GMCL1: variants seen among roughly 807,000 people sequenced by gnomAD.
GMCL1 encodes the protein germ cell-less 1, spermatogenesis associated, also known as germ cell-less protein-like 1.
In GMCL1, 54 loss-of-function variants were observed where a neutral mutation model predicts 75.5. The ratio of observed to expected loss-of-function variants is 0.71; its 90% CI spans 0.57 to 0.90. The LOEUF (loss-of-function observed/expected upper bound fraction) is 0.90, where lower values mean the gene tolerates loss of function less well. Ranked by LOEUF, GMCL1 falls within the 40% of genes least tolerant of loss-of-function variation. The pLI, the probability that GMCL1 is intolerant of heterozygous loss-of-function variation, is 0.00. For synonymous variants in GMCL1, 210 were observed against 209.6 expected (o/e 1.00, Z -0.02); for missense variants, 537 against 622.7 (o/e 0.86, Z 1.47).
chr2:69,835,414 G>C (rs927045066), intron 1 of GMCL1, among the ~76,000 whole-genome samples: 3 of 151,832 alleles, frequency 2.0e-5, no homozygotes, highest in Non-Finnish European at 1.5e-5. Context: ...TATGTTTCCA[G>C]GGGTGGAGGG....
rs2104085889 is a variant in GMCL1 at position 69,879,500 on chromosome 2, T to G, written c.*496T>G. 1 of 152,574 alleles carries G rather than the reference T, an allele frequency of 6.6e-6. No homozygotes were observed. The highest frequency in any genetic ancestry group is 3.4e-3 in the Middle Eastern group (1 of 294). The allele number at this position is 152,574 out of a possible 1,614,324, so 9.5% of individuals were successfully genotyped here. ...TCAGTTGGTGTATTGAAAGCTTTCC[T>G]TTAACATTTTCACCTGCTCATTGTG... On this transcript the variant is annotated 3_prime_UTR_variant, in exon 14 of 14. Coordinates refer to ENST00000282570, the MANE Select transcript of GMCL1 (RefSeq NM_178439.5).
Position 69,829,704 on chromosome 2 carries a change from C to T in GMCL1, c.-189C>T. 1.6e-6 allele frequency: 1 copy of T among 635,248 alleles called. No homozygotes were observed. Among genetic ancestry groups the T allele is most frequent in the East Asian group, 3.0e-5 (1 of 32,860 alleles). 39.4% of individuals were successfully genotyped at this position (635,248 alleles called of 1,614,324 possible). A position where few individuals can be genotyped will look rare whatever the true frequency, so the allele number is the denominator to read the frequency against. On this transcript the variant is annotated 5_prime_UTR_variant, in exon 1 of 14. Coordinates refer to ENST00000282570, the MANE Select transcript of GMCL1 (RefSeq NM_178439.5). ...GGGGCGAGGTGCTGCGGTGCTAGAG[C>T]GCGGCGCGACCGGACGCTGCGGGCG...
At chr2:69,856,986 C>G (rs891530182) in intron 9 of GMCL1, among the ~76,000 whole-genome samples, 4 of 152,180 alleles carry the variant, frequency 2.6e-5, no homozygotes, top group African/African-American at 7.2e-5. Context: ...TATTTGACCT[C>G]TTTGCCAAAC....
At position 69,843,162 on chromosome 2, in the gene GMCL1, A is replaced by G. The variant is rs1194702158; in HGVS notation, c.593A>G (p.Gln198Arg). Residue 198 changes from glutamine (Q) to arginine (R), a missense_variant, in exon 5 of 14, where the codon CAG (glutamine) becomes CGG (arginine). By Grantham distance (43) the Gln-to-Arg change is conservative. Coordinates refer to ENST00000282570, the MANE Select transcript of GMCL1 (RefSeq NM_178439.5). Reference protein sequence around the residue: ...ACLLQLDGLIQQCGETMKETV... With the variant: ...ACLLQLDGLIRQCGETMKETV... Reference sequence around the variant, plus strand: ...TTATATTTACAGGACGGTTTAATACAGCAGTGTGGTGAGACAATGAAGGAA... The same window carrying G: ...TTATATTTACAGGACGGTTTAATACGGCAGTGTGGTGAGACAATGAAGGAA... 2 of 1,608,130 alleles carry G rather than the reference A, an allele frequency of 1.2e-6. No individual in the cohort carries two copies. Among genetic ancestry groups the G allele is most frequent in the South Asian group, 1.1e-5 (1 of 90,956 alleles).
In GMCL1 at chr2:69,878,911, AC is replaced by A; in HGVS notation, c.1456del (p.Gln486LysfsTer3). 6.2e-7 allele frequency: 1 copy of A among 1,600,676 alleles called. No homozygotes were observed. Among genetic ancestry groups the A allele is most frequent in the Non-Finnish European group, 8.6e-7 (1 of 1,168,030 alleles). On this transcript the variant is annotated frameshift_variant, in exon 14 of 14. Transcript: ENST00000282570. LOFTEE classifies it high-confidence loss of function. ...QILTLEKDQE[Q>X]VVMNLDSRLL... ...GAATCTACAAATCTGTCTTATAGGAACAAGTGGTGATGAACTTGGACAGCAG... is the reference window on the plus strand; with the variant it reads ...GAATCTACAAATCTGTCTTATAGGAAAAGTGGTGATGAACTTGGACAGCAG...
At chr2:69,877,937 G>GT (rs961875536) in intron 13 of GMCL1, among the ~76,000 whole-genome samples, 27 of 152,270 alleles carry the variant, frequency 1.8e-4, no homozygotes, top group Admixed American at 3.9e-4. Context: ...TAAATAAAGT[G>GT]TAACTAATGC....
At chr2:69,846,022 A>T (rs555570840) in intron 6 of GMCL1, among the ~76,000 whole-genome samples, 3 of 149,960 alleles carry the variant, frequency 2.0e-5, no homozygotes, top group Admixed American at 1.3e-4. Context: ...TAAATACATT[A>T]TGGAATAGAG....
At chr2:69,870,500 G>C (rs76823104) in intron 12 of GMCL1, among the ~76,000 whole-genome samples, 4,718 of 152,210 alleles carry the variant, frequency 0.031, 120 homozygotes, top group Non-Finnish European at 0.047. Flanking sequence ...AAAAGAAGCA[G>C]TAGATAAAAT....
intron 9 of GMCL1, among the ~76,000 whole-genome samples, chr2:69,858,217 G>C (rs1675536821): frequency 6.6e-6 from 1 of 152,136 alleles, no homozygotes; most frequent in Non-Finnish European, 1.5e-5. Context: ...GTCTTGCCAT[G>C]TTACCCAGGC....
chr2:69,857,910 G>T (rs942380073), intron 9 of GMCL1, among the ~76,000 whole-genome samples: 1 of 152,150 alleles, frequency 6.6e-6, no homozygotes, highest in Non-Finnish European at 1.5e-5. Flanking sequence ...GGCAAATTAG[G>T]AAGTATCTTT....
At chr2:69,854,754 G>A (rs1013190284) in intron 8 of GMCL1, 69 bp from the exon 9 acceptor site, 25 of 1,325,342 alleles carry the variant, frequency 1.9e-5, no homozygotes, top group African/African-American at 1.3e-4. Flanking sequence ...CGTATCCCCC[G>A]TCCACAAAAA....
At chr2:69,831,575 C>T (rs968160121) in intron 1 of GMCL1, among the ~76,000 whole-genome samples, 2 of 151,078 alleles carry the variant, frequency 1.3e-5, no homozygotes, top group African/African-American at 4.9e-5. Context: ...CTTTTTGAAG[C>T]GTCAGTGTAG....
intron 1 of GMCL1, among the ~76,000 whole-genome samples, chr2:69,833,077 A>G (rs371198442): frequency 9.2e-5 from 14 of 152,198 alleles, no homozygotes; most frequent in African/African-American, 3.4e-4. Flanking sequence ...GCTGGCAAGT[A>G]GGACACTGCC....
At chr2:69,872,918 A>G (rs552690762) in intron 13 of GMCL1, among the ~76,000 whole-genome samples, 2 of 152,310 alleles carry the variant, frequency 1.3e-5, no homozygotes, top group African/African-American at 4.8e-5. Context: ...TTGTATTCCC[A>G]TGTTCCTTCA....
chr2:69,872,157 A>G (rs1675999930), intron 13 of GMCL1, among the ~76,000 whole-genome samples: 2 of 152,214 alleles, frequency 1.3e-5, no homozygotes, highest in Non-Finnish European at 2.9e-5. Flanking sequence ...TGCTTTATCC[A>G]TTGTGTACAT....
intron 13 of GMCL1, among the ~76,000 whole-genome samples, chr2:69,874,591 G>T (rs1363047405): frequency 1.3e-5 from 2 of 151,476 alleles, no homozygotes; most frequent in Non-Finnish European, 2.9e-5. Context: ...GTATTGTTGG[G>T]TTTTTTTATG....
chr2:69,859,356 T>C (rs966919659), intron 9 of GMCL1, among the ~76,000 whole-genome samples: 4 of 151,336 alleles, frequency 2.6e-5, no homozygotes, highest in African/African-American at 4.8e-5. Context: ...TTTAAATATA[T>C]GTGTGTATGT....
intron 10 of GMCL1, among the ~76,000 whole-genome samples, 173 bp downstream of exon 10, chr2:69,861,520 T>C (rs1296437170): frequency 6.6e-6 from 1 of 152,210 alleles, no homozygotes; most frequent in Non-Finnish European, 1.5e-5. Flanking sequence ...TATAAATGTC[T>C]TTCTGGTCAA....
At chr2:69,839,642 TG>T in intron 3 of GMCL1, 89 bp downstream of exon 3, 1 of 859,714 alleles carries the variant, frequency 1.2e-6, no homozygotes, top group Admixed American at 2.2e-5. Flanking sequence ...CTTCCAGCCT[TG>T]TAGTCTAGAA....
Sources: allele counts gnomAD v4.1 joint callset (sites outside exome capture counted in the v4.1 genomes callset), GRCh38; gene constraint gnomAD v4.1.1; transcripts MANE v1.5; gene names NCBI Gene and HGNC (gene_info 2026-07-23, HGNC 2026-07-21).